Variants in MECOM observed in about 807,000 individuals in gnomAD.
MECOM encodes histone-lysine N-methyltransferase MECOM.
MECOM carries 13 observed loss-of-function variants against 116.3 expected under a neutral mutation model. That is an observed-to-expected ratio of 0.11 (90% CI 0.07 to 0.18). The LOEUF (loss-of-function observed/expected upper bound fraction) is 0.18. MECOM is among the 10% of genes least tolerant of loss of function. The pLI is 1.00. For synonymous variants in MECOM, 528 were observed against 535.2 expected (o/e 0.99, Z 0.19); for missense variants, 1,299 against 1,509.0 (o/e 0.86, Z 2.31).
At chr3:169,621,843 A>C (rs1770774107) in intron 1 of MECOM, among the ~76,000 whole-genome samples, 1 of 152,316 alleles carries the variant, frequency 6.6e-6, no homozygotes, top group African/African-American at 2.4e-5. Context: ...GGTGCCCAGA[A>C]CATCTGTAGT....
rs372698429 is a variant in MECOM, at chr3:169,374,140, C to CCT, written c.375+7045_375+7046dup. Among the ~76,000 whole-genome samples, 345 of 148,268 alleles carry CCT rather than the reference C, an allele frequency of 2.3e-3. 4 individuals carry two copies. In the East Asian group the frequency reaches 0.047, roughly 20 times the overall value. ...GCAGAGAGCTTGTTCTCTCTCTCTCCCTCTCTCTCTCTCTCTCCACCTGCC... is the reference window on the plus strand; with the variant it reads ...GCAGAGAGCTTGTTCTCTCTCTCTCCCTCTCTCTCTCTCTCTCTCCACCTGCC... On this transcript the variant is annotated intron_variant, in intron 2 of 16. Coordinates refer to ENST00000651503, the MANE Select transcript of MECOM (RefSeq NM_004991.4).
intron 1 of MECOM, among the ~76,000 whole-genome samples, chr3:169,616,932 G>T (rs1413019466): frequency 6.6e-6 from 1 of 152,194 alleles, no homozygotes. Context: ...TCAACCAAAT[G>T]TTGGAATTAA....
In MECOM at chr3:169,663,481, TC is replaced by T. The variant is rs1776597590; in HGVS notation, c.-110del. ...TCCCTCCCTCTCTCTCCTGTCTCTC[TC>T]TCTCTCTCTCTCTCTCTCTCTCTCT... On this transcript the variant is annotated 5_prime_UTR_variant, in exon 1 of 17. Coordinates refer to ENST00000651503, the MANE Select transcript of MECOM (RefSeq NM_004991.4). 1.2e-5 allele frequency: 1 copy of T among 82,504 alleles called. No individual in the cohort carries two copies. Among genetic ancestry groups the T allele is most frequent in the Non-Finnish European group, 2.2e-5 (1 of 44,448 alleles). 5.1% of individuals were successfully genotyped at this position (82,504 alleles called of 1,614,324 possible). A position where few individuals can be genotyped will look rare whatever the true frequency, so the allele number is the denominator to read the frequency against.
chr3:169,318,001 C>T lies in MECOM; in HGVS notation c.375+63186G>A, dbSNP rs554820283. On this transcript the variant is annotated intron_variant, in intron 2 of 16. Transcript: ENST00000651503. ...TACAACCATCTGATCTTTGACAAAC[C>T]TGACAAAAACAAGCAATAGGGAAGG... Among the ~76,000 whole-genome samples, 16 of 152,200 alleles carry T rather than the reference C, an allele frequency of 1.1e-4. No individual in the cohort carries two copies. The East Asian group carries it at 2.7e-3, about 26-fold the overall frequency.
chr3:169,202,819 C>CAA lies in MECOM; in HGVS notation c.376-58989_376-58988dup, dbSNP rs11287862. Among the ~76,000 whole-genome samples the CAA allele has an allele frequency of 8.6e-3, 765 of 89,166 alleles. 4 individuals are homozygous for CAA. The highest frequency in any genetic ancestry group is 0.013 in the African/African-American group (314 of 23,344). The allele number at this position is 89,166 out of a possible 152,430, so 58.5% of individuals were successfully genotyped here. A position where few individuals can be genotyped will look rare whatever the true frequency, so the allele number is the denominator to read the frequency against. ...ATCTGGTAAAATACCTTGCCATTAG[C>CAA]AAAAAAAAAAAAAAAAAAAAAAGAG... On this transcript the variant is annotated intron_variant, in intron 2 of 16. Transcript: ENST00000651503.
chr3:169,455,973 C>A (rs959456132), intron 1 of MECOM, among the ~76,000 whole-genome samples: 1 of 152,204 alleles, frequency 6.6e-6, no homozygotes, highest in African/African-American at 2.4e-5. Flanking sequence ...CTTTGGCCTG[C>A]AAAAGTTATC....
At chr3:169,188,306 G>A (rs778279205) in intron 2 of MECOM, among the ~76,000 whole-genome samples, 1 of 151,700 alleles carries the variant, frequency 6.6e-6, no homozygotes, top group Non-Finnish European at 1.5e-5. Context: ...TAAAATAAAA[G>A]AAGAAAAAGG....
At chr3:169,630,463 A>AAAAAAAAAAGACAGGGTCAC (rs1361677024) in intron 1 of MECOM, among the ~76,000 whole-genome samples, 6 of 151,220 alleles carry the variant, frequency 4.0e-5, no homozygotes, top group Admixed American at 2.0e-4. Flanking sequence ...AAAAAAAAAA[A>AAAAAAAAAAGACAGGGTCAC]AAAAAAAAGA....
At chr3:169,208,215 G>T (rs1369252586) in intron 2 of MECOM, among the ~76,000 whole-genome samples, 1 of 150,284 alleles carries the variant, frequency 6.7e-6, no homozygotes, top group Non-Finnish European at 1.5e-5. Flanking sequence ...ATATGTGTGT[G>T]TGTGTGTGTG....
At chr3:169,124,441 T>C (rs1194423568) in intron 5 of MECOM, among the ~76,000 whole-genome samples, 1 of 152,036 alleles carries the variant, frequency 6.6e-6, no homozygotes, top group Non-Finnish European at 1.5e-5. Flanking sequence ...ATTCAAATAG[T>C]CATAACAGAC....
chr3:169,281,209 G>A (rs2149678130), intron 2 of MECOM, among the ~76,000 whole-genome samples: 1 of 152,314 alleles, frequency 6.6e-6, no homozygotes, highest in Non-Finnish European at 1.5e-5. Context: ...ATCGGATTCT[G>A]CGTTTAATCA....
At chr3:169,217,334 T>C (rs1262906971) in intron 2 of MECOM, among the ~76,000 whole-genome samples, 1 of 152,116 alleles carries the variant, frequency 6.6e-6, no homozygotes, top group Admixed American at 6.6e-5. Context: ...GATTCTGATA[T>C]AGGATTACAT....
Position 169,355,035 on chromosome 3 carries a change from C to T in MECOM, c.375+26152G>A, listed in dbSNP as rs771491614. Among the ~76,000 whole-genome samples, 65 of 151,840 alleles carry T rather than the reference C, an allele frequency of 4.3e-4. 2 individuals carry two copies. Among genetic ancestry groups the T allele is most frequent in the Admixed American group, 9.9e-4 (15 of 15,200 alleles). On this transcript the variant is annotated intron_variant, in intron 2 of 16. Coordinates refer to ENST00000651503, the MANE Select transcript of MECOM (RefSeq NM_004991.4). ...AATGAGAAAATCATTTCCATGCTGA[C>T]TGAATTAAAAGAACAAAAGAGCTCC...
At chr3:169,409,626 A>G (rs1737235850) in intron 1 of MECOM, among the ~76,000 whole-genome samples, 2 of 152,206 alleles carry the variant, frequency 1.3e-5, no homozygotes, top group Admixed American at 6.5e-5. Context: ...CTTATTTTAA[A>G]TACATTTGTT....
At chr3:169,461,738 G>A (rs930237811) in intron 1 of MECOM, among the ~76,000 whole-genome samples, 4 of 152,120 alleles carry the variant, frequency 2.6e-5, no homozygotes, top group African/African-American at 9.7e-5. Context: ...TGCAAAAGTA[G>A]CAGTAGCAAA....
At chr3:169,110,570 G>T (rs538200941) in intron 9 of MECOM, among the ~76,000 whole-genome samples, 2 of 152,190 alleles carry the variant, frequency 1.3e-5, no homozygotes, top group African/African-American at 2.4e-5. Context: ...AATAGCCTTT[G>T]CCCTAAGCAC....
intron 2 of MECOM, among the ~76,000 whole-genome samples, chr3:169,258,698 A>C (rs1757172306): frequency 6.6e-6 from 1 of 152,210 alleles, no homozygotes; most frequent in Non-Finnish European, 1.5e-5. Context: ...CACTCATCCC[A>C]AATTTCTGTG....
At chr3:169,603,713 G>A (rs1768120621) in intron 1 of MECOM, among the ~76,000 whole-genome samples, 1 of 152,136 alleles carries the variant, frequency 6.6e-6, no homozygotes, top group African/African-American at 2.4e-5. Context: ...TTGTAGCCTA[G>A]GAGCAACAGG....
chr3:169,458,547 G>A (rs948678195), intron 1 of MECOM, among the ~76,000 whole-genome samples: 2 of 152,182 alleles, frequency 1.3e-5, no homozygotes, highest in African/African-American at 2.4e-5. Context: ...TTGGCCTAAC[G>A]GAGAATATTC....
Sources: allele counts gnomAD v4.1 joint callset (sites outside exome capture counted in the v4.1 genomes callset), GRCh38; gene constraint gnomAD v4.1.1; transcripts MANE v1.5; gene names NCBI Gene and HGNC (gene_info 2026-07-23, HGNC 2026-07-21).